Variants in SIMC1 observed in about 807,000 individuals in gnomAD.
The protein encoded by SIMC1 is SUMO interacting motifs containing 1.
SIMC1 carries 55 observed loss-of-function variants against 82.3 expected under a neutral mutation model. That is an observed-to-expected ratio of 0.67 (90% confidence interval 0.54 to 0.84). SIMC1 has a LOEUF of 0.84. SIMC1 is among the 40% of genes least tolerant of loss of function. SIMC1 has a pLI of 0.00. For synonymous variants in SIMC1, 353 were observed against 426.3 expected, an observed-to-expected ratio of 0.83 and a Z score of 2.12; for missense variants, 915 against 1,107.2, an observed-to-expected ratio of 0.83 and a Z score of 2.46.
intron 1 of SIMC1, among the ~76,000 whole-genome samples, chr5:176,278,969 T>C (rs1431995686): frequency 6.6e-6 from 1 of 152,210 alleles, no homozygotes; most frequent in Non-Finnish European, 1.5e-5. Flanking sequence ...CCCCATAAAA[T>C]GAGTTAGGAA....
intron 1 of SIMC1, among the ~76,000 whole-genome samples, chr5:176,275,722 G>A (rs1581240529): frequency 6.6e-6 from 1 of 151,974 alleles, no homozygotes; most frequent in Middle Eastern, 3.4e-3. Flanking sequence ...TGCATCTATT[G>A]AGATAATCAT....
intron 1 of SIMC1, among the ~76,000 whole-genome samples, chr5:176,243,625 A>C (rs1581210447): frequency 6.6e-6 from 1 of 151,814 alleles, no homozygotes; most frequent in Middle Eastern, 3.4e-3. Context: ...AGGTTCAAGC[A>C]ATTTCCCCCA....
At chr5:176,329,015 A>G (rs1765511793) in intron 7 of SIMC1, among the ~76,000 whole-genome samples, 2 of 152,226 alleles carry the variant, frequency 1.3e-5, no homozygotes, top group South Asian at 4.1e-4. Flanking sequence ...CCTAGATACA[A>G]GGGGAACTAT....
intron 1 of SIMC1, among the ~76,000 whole-genome samples, chr5:176,276,110 T>C (rs1762680801): frequency 6.6e-6 from 1 of 151,642 alleles, no homozygotes; most frequent in South Asian, 2.1e-4. Context: ...CCTGAACTCT[T>C]TTTGGTTAGT....
intron 7 of SIMC1, among the ~76,000 whole-genome samples, chr5:176,335,539 A>G (rs1234449347): frequency 3.3e-5 from 5 of 151,338 alleles, no homozygotes; most frequent in Non-Finnish European, 5.9e-5. Flanking sequence ...CGGCCTCCCA[A>G]AGTGCTAGGA....
At chr5:176,320,343 ATTTATTTATT>A (rs1765106285) in intron 5 of SIMC1, among the ~76,000 whole-genome samples, 1 of 33,162 alleles carries the variant, frequency 3.0e-5, no homozygotes, top group South Asian at 1.9e-3. Context: ...TTATTTATTT[ATTTATTTATT>A]TATTTATTTA....
Position 176,345,598 on chromosome 5 carries a change from CT to C in SIMC1, c.*160del. ...TGTAATTTCTAACTCTAGTAAATAT[CT>C]TTTTTTAAATAATCCTATCCTAGCC... On this transcript the variant is annotated 3_prime_UTR_variant, in exon 10 of 10. Coordinates refer to ENST00000429602, the MANE Select transcript of SIMC1 (RefSeq NM_001308195.2). 1.3e-6 allele frequency: 1 copy of C among 786,654 alleles called. No individual in the cohort carries two copies. Among genetic ancestry groups the C allele is most frequent in the Non-Finnish European group, 1.9e-6 (1 of 529,976 alleles). 48.7% of individuals were successfully genotyped at this position (786,654 alleles called of 1,614,324 possible).
rs111471355 is a variant in SIMC1, at chr5:176,291,790, T to G, written c.1431+835T>G. Among the ~76,000 whole-genome samples the G allele has an allele frequency of 1.6e-3, 240 of 152,338 alleles. 1 individual carries two copies. The highest frequency in any genetic ancestry group is 5.5e-3 in the African/African-American group (230 of 41,582). On this transcript the variant is annotated intron_variant, in intron 2 of 9. Transcript: ENST00000429602. ...ACCGCGCCCAGCAGGGCACTTTACC[T>G]TTTTAAGCCTTAGCTTTCCTATCTG...
intron 1 of SIMC1, among the ~76,000 whole-genome samples, chr5:176,289,012 A>G (rs1423999068): frequency 1.6e-4 from 25 of 152,148 alleles, no homozygotes; most frequent in South Asian, 6.2e-4. Flanking sequence ...CCCTTGTTAT[A>G]TTATCTTTCA....
chr5:176,276,598 TC>T (rs1762713346), intron 1 of SIMC1, among the ~76,000 whole-genome samples: 1 of 85,672 alleles, frequency 1.2e-5, no homozygotes, highest in Non-Finnish European at 2.2e-5. Flanking sequence ...CCCTCCCCCC[TC>T]CCCCCACCCC....
chr5:176,303,470 C>T (rs1001782508), intron 4 of SIMC1, among the ~76,000 whole-genome samples: 5 of 151,880 alleles, frequency 3.3e-5, no homozygotes, highest in African/African-American at 4.8e-5. Context: ...TACAGGCATG[C>T]GCCACCATGC....
intron 5 of SIMC1, among the ~76,000 whole-genome samples, chr5:176,314,069 C>T (rs561856911): frequency 6.6e-6 from 1 of 152,274 alleles, no homozygotes; most frequent in East Asian, 1.9e-4. Context: ...GAGTTCGAAA[C>T]CAGCCTGGCC....
At chr5:176,332,746 A>C (rs1014677262) in intron 7 of SIMC1, among the ~76,000 whole-genome samples, 6 of 152,210 alleles carry the variant, frequency 3.9e-5, no homozygotes, top group Admixed American at 1.3e-4. Flanking sequence ...CAATATTAAA[A>C]TTATTAAAGA....
intron 4 of SIMC1, 96 bp from the exon 5 acceptor site, chr5:176,313,595 G>A: frequency 6.4e-7 from 1 of 1,567,514 alleles, no homozygotes; most frequent in Non-Finnish European, 8.7e-7. Flanking sequence ...GTTGATGCAT[G>A]GCCTTCTCTT....
chr5:176,313,542 C>A, intron 4 of SIMC1, 149 bp from the exon 5 acceptor site: 3 of 1,543,110 alleles, frequency 1.9e-6, no homozygotes. Flanking sequence ...CCCAGACTAC[C>A]TGCCCTCTCC....
chr5:176,264,564 C>T lies in SIMC1; in HGVS notation c.130-25090C>T, dbSNP rs554804886. 3.0e-4 allele frequency among the ~76,000 whole-genome samples: 46 copies of T among 151,776 alleles called. No individual in the cohort carries two copies. The East Asian group carries it at 8.5e-3, about 28-fold the overall frequency. ...CTGAATTTGGATTGGGCTCCTGAAA[C>T]CATTCTGTCCTTCTAGGCCTCTAGG... is the stretch of plus-strand genomic sequence containing the variant. On this transcript the variant is annotated intron_variant, in intron 1 of 9. Coordinates refer to ENST00000429602, the MANE Select transcript of SIMC1 (RefSeq NM_001308195.2).
chr5:176,309,248 A>T (rs897518742), intron 4 of SIMC1, among the ~76,000 whole-genome samples: 1 of 152,246 alleles, frequency 6.6e-6, no homozygotes, highest in East Asian at 1.9e-4. Flanking sequence ...ATTTTGAAAA[A>T]GTGCAAAAGC....
At chr5:176,328,797 G>C (rs910296044) in intron 7 of SIMC1, among the ~76,000 whole-genome samples, 1 of 152,172 alleles carries the variant, frequency 6.6e-6, no homozygotes, top group Non-Finnish European at 1.5e-5. Context: ...CCAGTAGGAG[G>C]ATCACTTGAG....
At chr5:176,254,835 C>T (rs1761795157) in intron 1 of SIMC1, among the ~76,000 whole-genome samples, 2 of 152,182 alleles carry the variant, frequency 1.3e-5, no homozygotes, top group East Asian at 1.9e-4. Flanking sequence ...TAAGAATACT[C>T]ATGGATAGTT....
Sources: gnomAD v4.1 joint callset for allele counts (sites outside exome capture counted in the v4.1 genomes callset) on GRCh38, gnomAD v4.1.1 for gene constraint, MANE v1.5 for transcripts, NCBI Gene and HGNC (gene_info 2026-07-23, HGNC 2026-07-21) for gene names.